GALNT13: variants seen among roughly 807,000 people sequenced by gnomAD.
The protein encoded by GALNT13 is UDP-GalNAc:polypeptide N-acetylgalactosaminyltransferase 13.
A neutral mutation model predicts 64.2 loss-of-function variants in GALNT13; 28 were observed. The observed-to-expected ratio is 0.44, with a 90% CI of 0.32 to 0.60. The LOEUF (loss-of-function observed/expected upper bound fraction) is 0.60. Among genes scored for constraint, GALNT13 ranks in the 20% least tolerant of loss-of-function variants. The pLI, the probability that GALNT13 is intolerant of heterozygous loss-of-function variation, is 0.05. For missense variants in GALNT13, 577 were observed against 669.8 expected (o/e 0.86, Z 1.53); for synonymous variants, 214 against 224.6 (o/e 0.95, Z 0.42).
chr2:154,444,069 G>A (rs1474367137), intron 12 of GALNT13, among the ~76,000 whole-genome samples: 1 of 152,088 alleles, frequency 6.6e-6, no homozygotes, highest in African/African-American at 2.4e-5. Context: ...GCTGGATGTA[G>A]TGGCATGGGC....
chr2:153,619,455 T>TA, the GALNT13 span, among the ~76,000 whole-genome samples: 1 of 152,124 alleles, frequency 6.6e-6, no homozygotes, highest in African/African-American at 2.4e-5. Context: ...ACACTACAGT[T>TA]ACAGTGTTAT....
intron 4 of GALNT13, among the ~76,000 whole-genome samples, chr2:154,237,814 A>G (rs113863947): frequency 0.027 from 4,146 of 151,766 alleles, 93 homozygotes; most frequent in Non-Finnish European, 0.043. Context: ...GTCATTCACT[A>G]TTTTTTCAAA....
At chr2:153,937,979 A>G (rs1286870416) in intron 2 of GALNT13, among the ~76,000 whole-genome samples, 1 of 152,214 alleles carries the variant, frequency 6.6e-6, no homozygotes, top group African/African-American at 2.4e-5. Context: ...ATTATTGTCA[A>G]AAGTTTTACA....
chr2:153,147,089 G>A, the GALNT13 span, among the ~76,000 whole-genome samples: 7 of 151,706 alleles, frequency 4.6e-5, no homozygotes, highest in South Asian at 2.1e-4. Context: ...ACTGAGTTTC[G>A]CGGAGGAGAA....
intron 1 of GALNT13, among the ~76,000 whole-genome samples, chr2:153,896,415 A>G (rs1214019464): frequency 6.6e-6 from 1 of 151,328 alleles, no homozygotes; most frequent in Admixed American, 6.6e-5. Flanking sequence ...TCTTTCATTT[A>G]ATCTGAATAT....
chr2:153,355,531 GTGATAA>G, the GALNT13 span, among the ~76,000 whole-genome samples: 2 of 152,140 alleles, frequency 1.3e-5, no homozygotes, highest in Non-Finnish European at 2.9e-5. Flanking sequence ...CTTATATAAA[GTGATAA>G]TTATAAAATA....
chr2:154,172,390 T>G (rs1194180527), intron 4 of GALNT13, among the ~76,000 whole-genome samples: 1 of 151,994 alleles, frequency 6.6e-6, no homozygotes, highest in African/African-American at 2.4e-5. Flanking sequence ...TTGGGTGTTA[T>G]TCCTTCTATC....
the GALNT13 span, among the ~76,000 whole-genome samples, chr2:153,293,785 G>GTGTC: frequency 2.5e-5 from 3 of 120,068 alleles, no homozygotes; most frequent in Admixed American, 2.4e-4. Flanking sequence ...GTGTGTGTGT[G>GTGTC]TGTGTGTCTG....
At chr2:154,315,969 T>C (rs994957473) in intron 9 of GALNT13, among the ~76,000 whole-genome samples, 4 of 152,114 alleles carry the variant, frequency 2.6e-5, no homozygotes, top group Non-Finnish European at 4.4e-5. Context: ...AAGCCTGTAA[T>C]CCCAGCTACT....
chr2:153,689,621 T>A, the GALNT13 span, among the ~76,000 whole-genome samples: 2 of 152,092 alleles, frequency 1.3e-5, no homozygotes, highest in African/African-American at 4.8e-5. Flanking sequence ...TGTCAGGTAG[T>A]TTCATATCTT....
chr2:154,172,797 A>G (rs1685436079), intron 4 of GALNT13, among the ~76,000 whole-genome samples: 1 of 151,954 alleles, frequency 6.6e-6, no homozygotes, highest in Non-Finnish European at 1.5e-5. Flanking sequence ...AGAAAAAACT[A>G]TACAACATTG....
the GALNT13 span, among the ~76,000 whole-genome samples, chr2:153,091,442 A>G: frequency 6.6e-6 from 1 of 152,160 alleles, no homozygotes; most frequent in South Asian, 2.1e-4. Flanking sequence ...GGTTTTCCCC[A>G]TCTCACACTT....
intron 9 of GALNT13, among the ~76,000 whole-genome samples, chr2:154,330,928 A>C (rs1468048803): frequency 1.3e-5 from 2 of 152,238 alleles, no homozygotes; most frequent in Non-Finnish European, 2.9e-5. Context: ...GTACAACTTA[A>C]TTTTCATTCA....
At chr2:153,783,611 C>T in the GALNT13 span, among the ~76,000 whole-genome samples, 1 of 152,076 alleles carries the variant, frequency 6.6e-6, no homozygotes, top group Admixed American at 6.6e-5. Flanking sequence ...GCTGTGTGCC[C>T]ACCCAGAATC....
intron 2 of GALNT13, among the ~76,000 whole-genome samples, chr2:153,938,035 T>A (rs890839728): frequency 6.6e-6 from 1 of 152,184 alleles, no homozygotes; most frequent in African/African-American, 2.4e-5. Flanking sequence ...GAGAGGTGTA[T>A]GGTGAAATTA....
chr2:154,123,643 G>C lies in GALNT13; in HGVS notation c.143-16694G>C, dbSNP rs142226147. On this transcript the variant is annotated intron_variant, in intron 3 of 12. Transcript: ENST00000392825. ...ACATTTCTAGTGAAAAAGTGCCTTA[G>C]AGAACGGTTTGTCATTTCTTATAAA... 2.9e-3 allele frequency among the ~76,000 whole-genome samples: 448 copies of C among 152,072 alleles called. 2 individuals carry two copies. Among genetic ancestry groups the C allele is most frequent in the African/African-American group, 0.01 (419 of 41,558 alleles).
At chr2:154,332,899 C>T (rs1199282884) in intron 9 of GALNT13, among the ~76,000 whole-genome samples, 1 of 151,678 alleles carries the variant, frequency 6.6e-6, no homozygotes, top group Non-Finnish European at 1.5e-5. Context: ...AATGTTTTGT[C>T]GTAGAAACAC....
At chr2:153,745,381 C>G in the GALNT13 span, among the ~76,000 whole-genome samples, 1 of 152,242 alleles carries the variant, frequency 6.6e-6, no homozygotes, top group South Asian at 2.1e-4. Context: ...GTTTCCTTAG[C>G]TATTTGATTC....
At chr2:153,451,818 G>T in the GALNT13 span, among the ~76,000 whole-genome samples, 8 of 152,176 alleles carry the variant, frequency 5.3e-5, no homozygotes, top group Admixed American at 4.6e-4. Flanking sequence ...AGCCCCAGGC[G>T]GCAGGTAGGT....
Sources: allele counts gnomAD v4.1 joint callset (sites outside exome capture counted in the v4.1 genomes callset), GRCh38; gene constraint gnomAD v4.1.1; transcripts MANE v1.5; gene names NCBI Gene and HGNC (gene_info 2026-07-23, HGNC 2026-07-21).